NSD2: variants seen among roughly 807,000 people sequenced by gnomAD.
The protein encoded by NSD2 is nuclear receptor binding SET domain protein 2, also known as histone-lysine N-methyltransferase NSD2.
In NSD2, 12 loss-of-function variants were observed where a neutral mutation model predicts 139.0. The observed-to-expected ratio is 0.09, with a 90% CI of 0.06 to 0.14. The LOEUF (loss-of-function observed/expected upper bound fraction) is 0.14. Ranked by LOEUF, NSD2 falls within the 10% of genes least tolerant of loss-of-function variation. The pLI is 1.00. For synonymous variants in NSD2, 669 were observed against 648.7 expected (o/e 1.03, Z -0.48); for missense variants, 1,155 against 1,745.0 (o/e 0.66, Z 6.02).
At chr4:1,977,090 C>G (rs1727166895) in intron 21 of NSD2, among the ~76,000 whole-genome samples, 2 of 152,248 alleles carry the variant, frequency 1.3e-5, no homozygotes, top group Admixed American at 6.5e-5. Flanking sequence ...CCTGGCTGCA[C>G]TACAGTGGGA....
intron 11 of NSD2, 129 bp from the exon 12 acceptor site, chr4:1,953,195 A>G: frequency 6.4e-7 from 1 of 1,567,950 alleles, no homozygotes; most frequent in Non-Finnish European, 8.7e-7. Flanking sequence ...AAGGTTGGAA[A>G]CAGGGCCAGG....
At chr4:1,929,710 G>A (rs557706558) in intron 5 of NSD2, among the ~76,000 whole-genome samples, 4 of 152,292 alleles carry the variant, frequency 2.6e-5, no homozygotes, top group Non-Finnish European at 5.9e-5. Flanking sequence ...ACATTGAACA[G>A]AAACAGGTGG....
chr4:1,952,933 T>A, intron 11 of NSD2: 1 of 1,419,660 alleles, frequency 7.0e-7, no homozygotes, highest in Non-Finnish European at 9.1e-7. Context: ...GCACCTCACT[T>A]ATGGGAGTGT....
chr4:1,952,708 T>C, intron 11 of NSD2: 7 of 1,072,354 alleles, frequency 6.5e-6, no homozygotes, highest in Non-Finnish European at 7.9e-6. Flanking sequence ...AGGCTTGTCC[T>C]GGGTTGTCAG....
intron 16 of NSD2, 26 bp from the exon 17 acceptor site, chr4:1,959,445 C>A (rs1393197702): frequency 2.5e-6 from 4 of 1,605,990 alleles, no homozygotes; most frequent in African/African-American, 2.7e-5. Context: ...ATGTGTGGAC[C>A]AAGACAGCTT....
rs1424742666 is a variant in NSD2, at chr4:1,876,429, G to T, written c.-30+4887G>T. On this transcript the variant is annotated intron_variant, in intron 1 of 21. Coordinates refer to ENST00000508803, the MANE Select transcript of NSD2 (RefSeq NM_001042424.3). ...GTAGTGGATAGGCACAGTTGCTCAT[G>T]CCTGTAATTGCAGCACTTTGGGAGG... is the stretch of plus-strand genomic sequence containing the variant. Among the ~76,000 whole-genome samples, 5 of 152,250 alleles carry T rather than the reference G, an allele frequency of 3.3e-5. No homozygotes were observed. In the East Asian group the frequency reaches 9.6e-4, roughly 29 times the overall value.
At chr4:1,954,953 GAC>G (rs980736770) in intron 12 of NSD2, among the ~76,000 whole-genome samples, 14 of 152,240 alleles carry the variant, frequency 9.2e-5, no homozygotes, top group Admixed American at 5.9e-4. Context: ...CCCAGGCTGA[GAC>G]ACGCGGCATT....
At position 1,956,206 on chromosome 4, in the gene NSD2, TAG is replaced by T. The variant is rs758747839; in HGVS notation, c.2881+23_2881+24del. The T allele has an allele frequency of 6.3e-7, 1 of 1,575,186 alleles. No homozygotes were observed. Among genetic ancestry groups the T allele is most frequent in the South Asian group, 1.2e-5 (1 of 86,066 alleles). ...CAAAAACGGTACGGAGATATTCAGA[TAG>T]AGAGTGAGACAGCACTCTCGTGCAT... On this transcript the variant is annotated intron_variant, in intron 15 of 21. Coordinates refer to ENST00000508803, the MANE Select transcript of NSD2 (RefSeq NM_001042424.3). The surrounding 1 kb of genome is among the most constrained non-coding windows in gnomAD (Gnocchi z 5.3).
chr4:1,901,457 G>C (rs902998928), intron 2 of NSD2, among the ~76,000 whole-genome samples: 4 of 152,218 alleles, frequency 2.6e-5, no homozygotes, highest in Admixed American at 6.5e-5. Context: ...TCAGCTGGCT[G>C]CTGAGCCAGT....
rs539469758 is a variant in NSD2, at chr4:1,956,474, G to A, written c.2881+286G>A. On this transcript the variant is annotated intron_variant, in intron 15 of 21. Coordinates refer to ENST00000508803, the MANE Select transcript of NSD2 (RefSeq NM_001042424.3). The surrounding 1 kb of genome is among the most constrained non-coding windows in gnomAD (Gnocchi z 5.3). ...AATTTACAGAAATGTTCCATGGCTT[G>A]CCTTTATGTAAAATGCAGATCTGAA... Among the ~76,000 whole-genome samples, 1 of 152,104 alleles carries A rather than the reference G, an allele frequency of 6.6e-6. No homozygotes were observed. The highest frequency in any genetic ancestry group is 1.5e-5 in the Non-Finnish European group (1 of 68,014).
chr4:1,881,639 C>T (rs1294975870), intron 1 of NSD2, among the ~76,000 whole-genome samples: 2 of 152,172 alleles, frequency 1.3e-5, no homozygotes, highest in African/African-American at 4.8e-5. Context: ...TCAAGCAGTC[C>T]TTCTGCCTGC....
chr4:1,907,047 C>G (rs1718015066), intron 3 of NSD2, among the ~76,000 whole-genome samples: 1 of 152,148 alleles, frequency 6.6e-6, no homozygotes, highest in East Asian at 1.9e-4. Flanking sequence ...TTGTGTTACT[C>G]TCTGCGGTTG....
chr4:1,937,146 G>T (rs1451617027), intron 7 of NSD2, among the ~76,000 whole-genome samples: 1 of 151,888 alleles, frequency 6.6e-6, no homozygotes, highest in Non-Finnish European at 1.5e-5. Context: ...CCGCCTCCTC[G>T]ATTCAAGTGA....
At chr4:1,898,474 G>A (rs543532481) in intron 1 of NSD2, among the ~76,000 whole-genome samples, 1 of 151,958 alleles carries the variant, frequency 6.6e-6, no homozygotes, top group Non-Finnish European at 1.5e-5. Context: ...ACCATCCTGG[G>A]TAACACGGTG....
chr4:1,955,182 G>A lies in NSD2; in HGVS notation c.2360G>A (p.Arg787His), dbSNP rs1724680907. ...TCAGGTAAAATGATGCGGTGTGTCC[G>A]CTGCCCCGTTGCCTATCACAGCGGG... ...PSKGKMMRCV[R>H]CPVAYHSGDA... The change falls in exon 13 of 22, where the codon CGC becomes CAC. Residue 787 changes from arginine to histidine, a missense_variant. This residue lies in a region of NSD2 where 120 missense variants were observed against 239.3 expected (regional missense o/e 0.50). Coordinates refer to ENST00000508803, the MANE Select transcript of NSD2 (RefSeq NM_001042424.3). This position sits in a 1 kb window ranked among gnomAD's most constrained non-coding sequence, Gnocchi z 4.7. 1.2e-6 allele frequency: 2 copies of A among 1,612,256 alleles called. No homozygotes were observed. Among genetic ancestry groups the A allele is most frequent in the Non-Finnish European group, 1.7e-6 (2 of 1,178,386 alleles).
At position 1,888,900 on chromosome 4, in the gene NSD2, TA is replaced by T. The variant is rs1345015840; in HGVS notation, c.-29-11725del. Among the ~76,000 whole-genome samples the T allele has an allele frequency of 2.7e-5, 4 of 147,202 alleles. 1 individual carries two copies. Among genetic ancestry groups the T allele is most frequent in the South Asian group, 2.1e-4 (1 of 4,674 alleles). On this transcript the variant is annotated intron_variant, in intron 1 of 21. Transcript: ENST00000508803. ...TTTTTGAGCTTCCCATGTATATTAG[TA>T]TTTTTTTTTTTTTTTTGAGACAGTC...
chr4:1,950,253 C>T (rs1724068324), intron 9 of NSD2, among the ~76,000 whole-genome samples: 1 of 152,156 alleles, frequency 6.6e-6, no homozygotes, highest in Non-Finnish European at 1.5e-5. Context: ...TGTATTCAGC[C>T]TGGTCTTCAG....
intron 6 of NSD2, among the ~76,000 whole-genome samples, chr4:1,931,177 G>A (rs1721590687): frequency 2.0e-5 from 3 of 152,158 alleles, no homozygotes; most frequent in African/African-American, 4.8e-5. Flanking sequence ...CACTTTTCTT[G>A]CTTCTGAGAG....
At chr4:1,966,529 C>T (rs979605056) in intron 18 of NSD2, among the ~76,000 whole-genome samples, 39 of 151,806 alleles carry the variant, frequency 2.6e-4, no homozygotes, top group African/African-American at 9.0e-4. Flanking sequence ...TGGTGGCAGG[C>T]GCCTGTAATC....
Sources: allele counts gnomAD v4.1 joint callset (sites outside exome capture counted in the v4.1 genomes callset), GRCh38; gene constraint gnomAD v4.1.1; regional missense constraint gnomAD v4.1.1; non-coding constraint Gnocchi (gnomAD v3.1); transcripts MANE v1.5; gene names NCBI Gene and HGNC (gene_info 2026-07-23, HGNC 2026-07-21).